TRMT1: variants seen among roughly 807,000 people sequenced by gnomAD.
TRMT1 encodes tRNA methyltransferase 1.
In TRMT1, 63 loss-of-function variants were observed where a neutral mutation model predicts 75.4. That is an observed-to-expected ratio of 0.84 (90% CI 0.68 to 1.03). The LOEUF is 1.03. Among genes scored for constraint, TRMT1 ranks in the 50% least tolerant of loss-of-function variants. TRMT1 has a pLI of 0.00. For missense variants in TRMT1, 870 were observed against 905.3 expected, an observed-to-expected ratio of 0.96 and a Z score of 0.50; for synonymous variants, 382 against 358.1, an observed-to-expected ratio of 1.07 and a Z score of -0.75.
At position 13,109,593 on chromosome 19, in the gene TRMT1, T is replaced by C. The variant is rs1248536987; in HGVS notation, c.1268A>G (p.His423Arg). ...EAVSANPGRF[H>R]TSERIRGVLS... The stretch of plus-strand genomic sequence containing the variant: ...GACCCCTCGGATCCGCTCCGAGGTG[T>C]GGAAGCGGCCGGGGTTAGCGCTCAC... Residue 423 changes from histidine (H) to arginine (R), a missense_variant, in exon 11 of 17, where the codon CAC (histidine) becomes CGC (arginine). Transcript: ENST00000357720. The C allele has an allele frequency of 1.2e-6, 2 of 1,613,806 alleles. No individual in the cohort carries two copies. The highest frequency in any genetic ancestry group is 2.2e-5 in the South Asian group (2 of 91,084).
intron 14 of TRMT1, among the ~76,000 whole-genome samples, chr19:13,106,575 A>G (rs2018878352): frequency 6.7e-6 from 1 of 149,118 alleles, no homozygotes; most frequent in African/African-American, 2.5e-5. Flanking sequence ...CCTCAGGTTC[A>G]AGCGATTCAC....
Position 13,105,550 on chromosome 19 carries a change from C to T in TRMT1, c.1640G>A (p.Gly547Glu). 1 of 1,614,070 alleles carries T rather than the reference C, an allele frequency of 6.2e-7. No individual in the cohort carries two copies. The change falls in exon 15 of 17, where the codon GGA becomes GAA. Residue 547 changes from glycine to glutamate, a missense_variant. Transcript: ENST00000357720. ...EDANPSSRQR[G>E]LKRFQANPEA... ...CGGGTTAGCCTGGAAGCGCTTGAGTCCTCGCTGTCGGGAGCTGGGGTTGGC... is the reference window on the plus strand; with the variant it reads ...CGGGTTAGCCTGGAAGCGCTTGAGTTCTCGCTGTCGGGAGCTGGGGTTGGC...
intron 14 of TRMT1, 25 bp downstream of exon 14, chr19:13,107,549 C>T (rs369471251): frequency 5.1e-6 from 8 of 1,582,938 alleles, no homozygotes; most frequent in East Asian, 2.3e-5. Flanking sequence ...CAGCCCTGGC[C>T]GCTCCTGCAT....
Position 13,116,145 on chromosome 19 carries a change from C to T in TRMT1, c.254+1G>A. ...CAGGCTAACGTCTGACCCCTGCTCA[C>T]GTCAGGTCCCGATTGAATTCCTGCA... is the stretch of plus-strand genomic sequence containing the variant. On this transcript the variant is annotated splice_donor_variant, in intron 2 of 16. Transcript: ENST00000357720. LOFTEE classifies it high-confidence loss of function. 1 of 1,614,122 alleles carries T rather than the reference C, an allele frequency of 6.2e-7. No homozygotes were observed. The highest frequency in any genetic ancestry group is 8.5e-7 in the Non-Finnish European group (1 of 1,180,028).
chr19:13,113,715 T>G (rs1386425693), intron 5 of TRMT1, among the ~76,000 whole-genome samples: 1 of 152,046 alleles, frequency 6.6e-6, no homozygotes, highest in Non-Finnish European at 1.5e-5. Flanking sequence ...GTTCAAGCGA[T>G]TCTCCTGCCT....
Position 13,104,910 on chromosome 19 carries a change from G to A in TRMT1, c.*25C>T, listed in dbSNP as rs1042305901. 10 of 1,613,880 alleles carry A rather than the reference G, an allele frequency of 6.2e-6. No individual in the cohort carries two copies. Among genetic ancestry groups the A allele is most frequent in the South Asian group, 2.2e-5 (2 of 91,086 alleles). On this transcript the variant is annotated 3_prime_UTR_variant, in exon 17 of 17. Transcript: ENST00000357720. ...CACAAACCACAGGCAATCGGGAGAA[G>A]GTGACGTGACATCTCTTTATTGGTT...
At chr19:13,107,405 G>T (rs956887329) in intron 14 of TRMT1, among the ~76,000 whole-genome samples, 169 bp downstream of exon 14, 3 of 152,232 alleles carry the variant, frequency 2.0e-5, no homozygotes, top group Non-Finnish European at 4.4e-5. Flanking sequence ...CTCCCAAAGT[G>T]CTGGGATTAC....
intron 7 of TRMT1, among the ~76,000 whole-genome samples, chr19:13,111,014 A>G (rs1255021635): frequency 6.6e-6 from 1 of 152,190 alleles, no homozygotes; most frequent in Non-Finnish European, 1.5e-5. Context: ...GATATGGGAA[A>G]GGAGACAGCA....
At chr19:13,105,756 T>A in intron 14 of TRMT1, 150 bp from the exon 15 acceptor site, 1 of 873,618 alleles carries the variant, frequency 1.1e-6, no homozygotes, top group Non-Finnish European at 1.7e-6. Flanking sequence ...ACATTTTTGG[T>A]TTTTTTAAAG....
At chr19:13,110,469 C>CT (rs2019098971) in intron 7 of TRMT1, among the ~76,000 whole-genome samples, 163 bp from the exon 8 acceptor site, 1 of 152,254 alleles carries the variant, frequency 6.6e-6, no homozygotes, top group Non-Finnish European at 1.5e-5. Flanking sequence ...AGTATCCCCT[C>CT]TCTGTGCCTC....
At chr19:13,105,627 C>T (rs1425757670) in intron 14 of TRMT1, 21 bp from the exon 15 acceptor site, 14 of 1,433,884 alleles carry the variant, frequency 9.8e-6, no homozygotes, top group Admixed American at 1.7e-5. Flanking sequence ...AGGGGTGGGG[C>T]GTTGGGGCTG....
Position 13,109,836 on chromosome 19 carries a change from G to GC in TRMT1, c.1108dup (p.Ala370GlyfsTer16). ...GGGACCACAGGCTGCAGAGAACTTG[G>GC]CCCTAAACAGAGAGGGGTGGTTGGT... On this transcript the variant is annotated frameshift_variant and splice_region_variant, in exon 10 of 17. Transcript: ENST00000357720. LOFTEE classifies it high-confidence loss of function. 3.1e-6 allele frequency: 5 copies of GC among 1,614,088 alleles called. No homozygotes were observed. The highest frequency in any genetic ancestry group is 4.2e-6 in the Non-Finnish European group (5 of 1,180,026).
In TRMT1 at chr19:13,116,072, T is replaced by C. The variant is rs763650523; in HGVS notation, c.255-20A>G. 3 of 1,613,938 alleles carry C rather than the reference T, an allele frequency of 1.9e-6. No individual in the cohort carries two copies. In the South Asian group the frequency reaches 3.3e-5, roughly 18 times the overall value. On this transcript the variant is annotated intron_variant, in intron 2 of 16. Transcript: ENST00000357720. The stretch of plus-strand genomic sequence containing the variant: ...GCACATCTGGTGGGAGACAGAGGAC[T>C]AGCTCATACCCCGCCCCCGCCATCC...
chr19:13,105,348 C>A lies in TRMT1; in HGVS notation c.1752G>T (p.Gln584His). 3.1e-6 allele frequency: 5 copies of A among 1,613,970 alleles called. No individual in the cohort carries two copies. The South Asian group carries it at 4.4e-5, about 14-fold the overall frequency. Residue 584 changes from glutamine to histidine, a missense_variant, in exon 16 of 17, where the codon CAG (glutamine) becomes CAT (histidine). Gln to His is a conservative substitution (Grantham distance 24). Coordinates refer to ENST00000357720, the MANE Select transcript of TRMT1 (RefSeq NM_001136035.4). ...EAMEERRRLLQNKRKEPPEDV... is the reference protein window; with the variant it reads ...EAMEERRRLLHNKRKEPPEDV... ...CTTCCGGCGGCTCCTTCCGCTTGTTCTGAAGCAGCCTGCGTCTCTCCTCCA... is the reference window on the plus strand; with the variant it reads ...CTTCCGGCGGCTCCTTCCGCTTGTTATGAAGCAGCCTGCGTCTCTCCTCCA...
In TRMT1 at chr19:13,116,365, A is replaced by T. The variant is rs780328802; in HGVS notation, c.35T>A (p.Phe12Tyr). ...QGSSLWLSLT[F>Y]RSARVLSRAR... The stretch of plus-strand genomic sequence containing the variant: ...TCTAGAGAGCACCCGGGCGGAGCGG[A>T]AAGTGAGGCTTAGCCACAGAGACGA... Residue 12 changes from phenylalanine (F) to tyrosine (Y), a missense_variant, in exon 2 of 17, where the codon TTC becomes TAC. Transcript: ENST00000357720. 1.9e-6 allele frequency: 3 copies of T among 1,611,484 alleles called. No individual in the cohort carries two copies. The highest frequency in any genetic ancestry group is 2.5e-6 in the Non-Finnish European group (3 of 1,179,384).
At chr19:13,108,295 TTTA>T (rs973091309) in intron 12 of TRMT1, among the ~76,000 whole-genome samples, 2 of 147,448 alleles carry the variant, frequency 1.4e-5, no homozygotes, top group African/African-American at 2.5e-5. Context: ...GGCCTTCTTA[TTTA>T]TTATTTTTTT....
chr19:13,112,869 C>T (rs753243419), intron 6 of TRMT1, 27 bp downstream of exon 6: 2 of 1,612,948 alleles, frequency 1.2e-6, no homozygotes, highest in Non-Finnish European at 8.5e-7. Context: ...AAGCCCTGCT[C>T]CCACCCCAGT....
Position 13,116,488 on chromosome 19 carries a change from C to A in TRMT1, c.-32-57G>T, listed in dbSNP as rs568328534. ...GGGTCAGAGAGCCGCATTCCGGGCCCGGGGATGTCCTACATATCTATGAGG... is the reference window on the plus strand; with the variant it reads ...GGGTCAGAGAGCCGCATTCCGGGCCAGGGGATGTCCTACATATCTATGAGG... On this transcript the variant is annotated intron_variant, in intron 1 of 16. Transcript: ENST00000357720. 3.3e-6 allele frequency: 5 copies of A among 1,503,122 alleles called. No homozygotes were observed. The Admixed American group carries it at 8.4e-5, about 25-fold the overall frequency. The allele number at this position is 1,503,122 out of a possible 1,614,324, so 93.1% of individuals were successfully genotyped here.
Position 13,105,341 on chromosome 19 carries a change from G to A in TRMT1, c.1759C>T (p.Arg587Trp), listed in dbSNP as rs374041118. The A allele has an allele frequency of 1.1e-5, 17 of 1,613,774 alleles. No individual in the cohort carries two copies. The South Asian group carries it at 1.6e-4, about 16-fold the overall frequency. Reference sequence around the variant, plus strand: ...GCCACATCTTCCGGCGGCTCCTTCCGCTTGTTCTGAAGCAGCCTGCGTCTC... The same window carrying A: ...GCCACATCTTCCGGCGGCTCCTTCCACTTGTTCTGAAGCAGCCTGCGTCTC... ...EERRRLLQNK[R>W]KEPPEDVAQR... Residue 587 changes from arginine (R) to tryptophan (W), a missense_variant, in exon 16 of 17, where the codon CGG (arginine) becomes TGG (tryptophan). Transcript: ENST00000357720.
Sources: allele counts gnomAD v4.1 joint callset (sites outside exome capture counted in the v4.1 genomes callset), GRCh38; gene constraint gnomAD v4.1.1; transcripts MANE v1.5; gene names NCBI Gene and HGNC (gene_info 2026-07-23, HGNC 2026-07-21).